PRKN: variants seen among roughly 807,000 people sequenced by gnomAD.
PRKN encodes E3 ubiquitin-protein ligase parkin.
In PRKN, 56 loss-of-function variants were observed where a neutral mutation model predicts 59.5. The observed-to-expected ratio is 0.94, with a 90% CI of 0.76 to 1.18. The LOEUF is 1.18. PRKN is among the 50% of genes most tolerant of loss of function. The probability of loss-of-function intolerance (pLI) is 0.00; values close to 1 mark genes in which losing one functional copy is unlikely to be tolerated. For missense variants in PRKN, 657 were observed against 596.4 expected (o/e 1.10, Z -1.06); for synonymous variants, 250 against 222.1 (o/e 1.13, Z -1.12).
chr6:161,528,734 G>T (rs1344724380), intron 9 of PRKN, among the ~76,000 whole-genome samples: 1 of 152,168 alleles, frequency 6.6e-6, no homozygotes, highest in Non-Finnish European at 1.5e-5. Context: ...GTAACTTCTT[G>T]TCAGTAAAAG....
At chr6:161,698,542 A>C (rs1786118896) in intron 7 of PRKN, among the ~76,000 whole-genome samples, 1 of 152,116 alleles carries the variant, frequency 6.6e-6, no homozygotes, top group Non-Finnish European at 1.5e-5. Flanking sequence ...AAATCTGAAC[A>C]ACTAACACTA....
chr6:162,635,718 A>C (rs1342800913), intron 1 of PRKN, among the ~76,000 whole-genome samples: 4 of 152,196 alleles, frequency 2.6e-5, no homozygotes, highest in Admixed American at 1.3e-4. Context: ...TCATATAAAA[A>C]ACAGTTCCAA....
At chr6:162,522,626 T>C (rs1778122097) in intron 1 of PRKN, among the ~76,000 whole-genome samples, 1 of 152,200 alleles carries the variant, frequency 6.6e-6, no homozygotes, top group Non-Finnish European at 1.5e-5. Context: ...CAAACCATGA[T>C]GGGGCAGGTG....
intron 6 of PRKN, among the ~76,000 whole-genome samples, chr6:161,906,683 T>G (rs1778160711): frequency 6.9e-6 from 1 of 145,874 alleles, no homozygotes; most frequent in Non-Finnish European, 1.5e-5. Flanking sequence ...TATGTATATA[T>G]GAGTTTATTT....
chr6:161,735,896 C>T (rs1253968150), intron 7 of PRKN, among the ~76,000 whole-genome samples: 1 of 151,712 alleles, frequency 6.6e-6, no homozygotes, highest in Non-Finnish European at 1.5e-5. Context: ...GCCTGGGCAA[C>T]AGAGCGAGAC....
intron 5 of PRKN, among the ~76,000 whole-genome samples, chr6:162,032,657 A>G (rs568305167): frequency 2.6e-5 from 4 of 152,340 alleles, no homozygotes; most frequent in African/African-American, 9.6e-5. Context: ...GAGAGAGGTT[A>G]AAGTAAAATG....
intron 1 of PRKN, among the ~76,000 whole-genome samples, chr6:162,606,393 A>C (rs1007313880): frequency 1.3e-5 from 2 of 152,212 alleles, no homozygotes; most frequent in Admixed American, 6.5e-5. Flanking sequence ...AAAGTATTGA[A>C]TATCTTATGT....
chr6:161,420,298 A>C (rs1289622323), intron 9 of PRKN, among the ~76,000 whole-genome samples: 6 of 151,972 alleles, frequency 3.9e-5, no homozygotes, highest in African/African-American at 1.2e-4. Context: ...GAAATAAATT[A>C]AGAGTAATGA....
intron 7 of PRKN, among the ~76,000 whole-genome samples, chr6:161,718,212 T>G (rs936327144): frequency 6.6e-6 from 1 of 152,122 alleles, no homozygotes; most frequent in Non-Finnish European, 1.5e-5. Context: ...GGCAAAGTGT[T>G]GTGTACTGGG....
At chr6:162,551,890 G>C (rs1198001018) in intron 1 of PRKN, among the ~76,000 whole-genome samples, 3 of 152,168 alleles carry the variant, frequency 2.0e-5, no homozygotes, top group Non-Finnish European at 4.4e-5. Flanking sequence ...ATGAGACTTG[G>C]AGTCTAGTGG....
chr6:162,139,455 AAG>A (rs1781686847), intron 4 of PRKN, among the ~76,000 whole-genome samples: 1 of 152,196 alleles, frequency 6.6e-6, no homozygotes, highest in Non-Finnish European at 1.5e-5. Context: ...AGGCACAGGG[AAG>A]AGACAATTTG....
chr6:162,634,208 C>T (rs1583950045), intron 1 of PRKN, among the ~76,000 whole-genome samples: 1 of 152,138 alleles, frequency 6.6e-6, no homozygotes, highest in South Asian at 2.1e-4. Context: ...TCACAGGCCT[C>T]CCTGTCTAAC....
intron 4 of PRKN, among the ~76,000 whole-genome samples, chr6:162,128,911 T>C (rs1781232156): frequency 6.6e-6 from 1 of 152,308 alleles, no homozygotes; most frequent in Admixed American, 6.5e-5. Flanking sequence ...TCCAGAACTT[T>C]GAGAAAGAAT....
At chr6:162,517,629 T>C (rs1777921127) in intron 1 of PRKN, among the ~76,000 whole-genome samples, 2 of 152,074 alleles carry the variant, frequency 1.3e-5, no homozygotes, top group South Asian at 4.1e-4. Context: ...GTGAACTAGA[T>C]CATTGCGTCC....
rs996112267 is a variant in PRKN, at chr6:161,504,859, A to G, written c.1083+43995T>C. On this transcript the variant is annotated intron_variant, in intron 9 of 11. Coordinates refer to ENST00000366898, the MANE Select transcript of PRKN (RefSeq NM_004562.3). The stretch of plus-strand genomic sequence containing the variant: ...TCCCTACAAAGGAAATGAACTCATC[A>G]TTTTTTATGGCTGCATAGTATTCCA... 2.0e-5 allele frequency among the ~76,000 whole-genome samples: 3 copies of G among 150,774 alleles called. No homozygotes were observed. In the South Asian group the frequency reaches 6.4e-4, roughly 32 times the overall value.
chr6:161,637,863 G>T (rs1363483295), intron 7 of PRKN, among the ~76,000 whole-genome samples: 1 of 152,196 alleles, frequency 6.6e-6, no homozygotes, highest in African/African-American at 2.4e-5. Context: ...TCCCAGAGGG[G>T]AGGTGGCCCA....
intron 1 of PRKN, among the ~76,000 whole-genome samples, chr6:162,496,572 ATCTC>A (rs944996277): frequency 1.3e-5 from 2 of 152,032 alleles, no homozygotes; most frequent in Non-Finnish European, 1.5e-5. Context: ...GATGAAACAA[ATCTC>A]TCTCTCTCTC....
chr6:161,545,479 C>T lies in PRKN; in HGVS notation c.1083+3375G>A, dbSNP rs774833822. On this transcript the variant is annotated intron_variant, in intron 9 of 11. Coordinates refer to ENST00000366898, the MANE Select transcript of PRKN (RefSeq NM_004562.3). This position sits in a 1 kb window ranked among gnomAD's most constrained non-coding sequence, Gnocchi z 4.1. ...TAAAAAGAGATTCACCTTCTTCTAA[C>T]TTTTATGTATTTGGCCATGTTCTAC... is the stretch of plus-strand genomic sequence containing the variant. 33 of 1,407,734 alleles carry T rather than the reference C, an allele frequency of 2.3e-5. No homozygotes were observed. The highest frequency in any genetic ancestry group is 9.1e-6 in the Non-Finnish European group (9 of 994,236). The allele number at this position is 1,407,734 out of a possible 1,614,324, so 87.2% of individuals were successfully genotyped here.
intron 1 of PRKN, among the ~76,000 whole-genome samples, chr6:162,448,425 C>T (rs1328844523): frequency 6.6e-6 from 1 of 152,124 alleles, no homozygotes; most frequent in Non-Finnish European, 1.5e-5. Flanking sequence ...CTTCCGTGAG[C>T]CAACACTTGA....
Sources: gnomAD v4.1 joint callset for allele counts (sites outside exome capture counted in the v4.1 genomes callset) on GRCh38, gnomAD v4.1.1 for gene constraint, Gnocchi (gnomAD v3.1) non-coding constraint, MANE v1.5 for transcripts, NCBI Gene and HGNC (gene_info 2026-07-23, HGNC 2026-07-21) for gene names.